The following AFAP1L2 variants were observed in gnomAD, a reference collection of about 807,000 sequenced individuals.
AFAP1L2 encodes actin filament-associated protein 1-like 2.
AFAP1L2 carries 46 observed loss-of-function variants against 99.3 expected under a neutral mutation model. The observed-to-expected ratio is 0.46, with a 90% CI of 0.37 to 0.59. AFAP1L2 has a LOEUF of 0.59. Among genes scored for constraint, AFAP1L2 ranks in the 20% least tolerant of loss-of-function variants. The probability of loss-of-function intolerance (pLI) is 0.00; values close to 1 mark genes in which losing one functional copy is unlikely to be tolerated. For synonymous variants in AFAP1L2, 397 were observed against 419.1 expected (o/e 0.95, Z 0.64); for missense variants, 959 against 1,034.9 (o/e 0.93, Z 1.01).
chr10:114,300,578 C>T lies in AFAP1L2; in HGVS notation c.1655G>A (p.Ser552Asn), dbSNP rs150906523. 4.8e-5 allele frequency: 78 copies of T among 1,614,070 alleles called. No individual in the cohort carries two copies. Among genetic ancestry groups the T allele is most frequent in the African/African-American group, 8.0e-5 (6 of 74,930 alleles). ...PVKSFLHGPS[S>N]AQAQASSPTL... ...CGGGGAGGAGGCCTGGGCCTGTGCA[C>T]TGCTGGGGCCATGCAGAAAGGACTT... is the stretch of plus-strand genomic sequence containing the variant. The change falls in exon 14 of 19, where the codon AGT becomes AAT. Residue 552 changes from serine to asparagine, a missense_variant. By Grantham distance (46) the Ser-to-Asn change is conservative. Coordinates refer to ENST00000304129, the MANE Select transcript of AFAP1L2 (RefSeq NM_001001936.3).
At chr10:114,386,892 G>C (rs1417025205) in intron 1 of AFAP1L2, among the ~76,000 whole-genome samples, 1 of 152,246 alleles carries the variant, frequency 6.6e-6, no homozygotes, top group Non-Finnish European at 1.5e-5. Flanking sequence ...TCCCATTGCA[G>C]ACAGGCACCC....
rs1397357178 is a variant in AFAP1L2 at position 114,295,474 on chromosome 10, C to G, written c.*568G>C. On this transcript the variant is annotated 3_prime_UTR_variant, in exon 19 of 19. Coordinates refer to ENST00000304129, the MANE Select transcript of AFAP1L2 (RefSeq NM_001001936.3). ...CATTATTGTTTCTCAAAACTCATGT[C>G]ATAGATGGTTTTACAGATGATGGTT... The G allele has an allele frequency of 1.0e-6, 1 of 985,202 alleles. No individual in the cohort carries two copies. The highest frequency in any genetic ancestry group is 1.2e-6 in the Non-Finnish European group (1 of 829,878). The allele number at this position is 985,202 out of a possible 1,614,324, so 61.0% of individuals were successfully genotyped here.
chr10:114,322,902 C>T (rs1003134980), intron 5 of AFAP1L2, among the ~76,000 whole-genome samples: 4 of 152,222 alleles, frequency 2.6e-5, no homozygotes, highest in Non-Finnish European at 4.4e-5. Flanking sequence ...ACATCAGATG[C>T]AGTCAATCTA....
chr10:114,362,865 CAAAAACTTCTGATTTGA>C, intron 1 of AFAP1L2: 2 of 852,546 alleles, frequency 2.3e-6, no homozygotes, highest in Middle Eastern at 1.2e-3. Context: ...ATCAGTCAGA[CAAAAACTTCTGATTTGA>C]AAACATTCAC....
the AFAP1L2 span, chr10:114,289,177 C>T: frequency 6.2e-7 from 1 of 1,613,744 alleles, no homozygotes; most frequent in Non-Finnish European, 8.5e-7. Context: ...GGCCCCCTAC[C>T]TAGGTGGGGT....
chr10:114,289,347 C>T, the AFAP1L2 span: 101 of 1,614,250 alleles, frequency 6.3e-5, 1 homozygote, highest in South Asian at 1.1e-3. Context: ...ACAATGGCAT[C>T]TCTGTCTTGG....
At chr10:114,337,645 A>T (rs1455788905) in intron 2 of AFAP1L2, among the ~76,000 whole-genome samples, 1 of 152,196 alleles carries the variant, frequency 6.6e-6, no homozygotes, top group Non-Finnish European at 1.5e-5. Context: ...GGGCAGAACA[A>T]AAAGGTCATC....
At chr10:114,381,390 G>A (rs1024901598) in intron 1 of AFAP1L2, among the ~76,000 whole-genome samples, 1 of 152,140 alleles carries the variant, frequency 6.6e-6, no homozygotes, top group Non-Finnish European at 1.5e-5. Context: ...GAGGAGAGGA[G>A]GATGTAAAGA....
At chr10:114,382,588 C>CTTCTTTTTTTTTTTTT (rs747277134) in intron 1 of AFAP1L2, among the ~76,000 whole-genome samples, 1 of 93,296 alleles carries the variant, frequency 1.1e-5, no homozygotes, top group Admixed American at 1.3e-4. Context: ...TATTTCTTCT[C>CTTCTTTTTTTTTTTTT]TTTTTTTTTT....
chr10:114,366,338 G>T (rs1000576318), intron 1 of AFAP1L2, among the ~76,000 whole-genome samples: 2 of 152,172 alleles, frequency 1.3e-5, no homozygotes, highest in Non-Finnish European at 2.9e-5. Flanking sequence ...AGTGGATAGT[G>T]CTGTGCAGCG....
At chr10:114,396,504 G>A (rs535732889) in intron 1 of AFAP1L2, among the ~76,000 whole-genome samples, 11 of 152,118 alleles carry the variant, frequency 7.2e-5, no homozygotes, top group Non-Finnish European at 1.2e-4. Context: ...CATCAAATGC[G>A]ACTGGGTGTG....
chr10:114,347,855 C>A (rs2049835089), intron 1 of AFAP1L2, among the ~76,000 whole-genome samples: 1 of 152,154 alleles, frequency 6.6e-6, no homozygotes, highest in Admixed American at 6.5e-5. Context: ...CTTTAACCAT[C>A]TTAAAGTTTA....
intron 1 of AFAP1L2, among the ~76,000 whole-genome samples, chr10:114,356,645 T>C (rs1403743476): frequency 3.9e-5 from 6 of 152,220 alleles, no homozygotes; most frequent in Non-Finnish European, 5.9e-5. Context: ...ATCCCTCTGA[T>C]TAAAACAAAA....
At chr10:114,320,078 C>T (rs936402202) in intron 5 of AFAP1L2, among the ~76,000 whole-genome samples, 9 of 152,142 alleles carry the variant, frequency 5.9e-5, no homozygotes, top group East Asian at 1.9e-4. Flanking sequence ...CTGAAATACC[C>T]GAGTGAGAAA....
chr10:114,327,062 T>G (rs1316449116), intron 4 of AFAP1L2, among the ~76,000 whole-genome samples: 6 of 147,802 alleles, frequency 4.1e-5, no homozygotes, highest in Admixed American at 3.5e-4. Context: ...AGGAGACAGA[T>G]CCTCATCTCA....
intron 5 of AFAP1L2, among the ~76,000 whole-genome samples, chr10:114,316,451 C>T (rs966199497): frequency 1.4e-4 from 21 of 152,336 alleles, no homozygotes; most frequent in African/African-American, 5.1e-4. Context: ...CCACTCATAC[C>T]CTCCACAGAC....
chr10:114,403,740 G>A (rs746608384), intron 1 of AFAP1L2, among the ~76,000 whole-genome samples: 7 of 152,160 alleles, frequency 4.6e-5, no homozygotes, highest in Non-Finnish European at 1.0e-4. Flanking sequence ...GGAGATCCTG[G>A]CCCCCGCCAA....
At chr10:114,324,838 A>G (rs1406432871) in intron 4 of AFAP1L2, among the ~76,000 whole-genome samples, 1 of 152,128 alleles carries the variant, frequency 6.6e-6, no homozygotes, top group African/African-American at 2.4e-5. Flanking sequence ...GGAGAGGGTA[A>G]TGCTAGGAAT....
At chr10:114,306,200 T>G (rs1478619068) in intron 10 of AFAP1L2, among the ~76,000 whole-genome samples, 2 of 82,940 alleles carry the variant, frequency 2.4e-5, no homozygotes, top group Non-Finnish European at 4.7e-5. Context: ...CAGGAGGGGA[T>G]GGGGCTACAG....
Sources: allele counts gnomAD v4.1 joint callset (sites outside exome capture counted in the v4.1 genomes callset), GRCh38; gene constraint gnomAD v4.1.1; transcripts MANE v1.5; gene names NCBI Gene and HGNC (gene_info 2026-07-23, HGNC 2026-07-21).